The following RB1 variants were observed in gnomAD, a reference collection of about 807,000 sequenced individuals.
RB1 encodes the protein retinoblastoma-associated protein.
A neutral mutation model predicts 135.4 loss-of-function variants in RB1; 18 were observed. The observed-to-expected ratio is 0.13, with a 90% CI of 0.09 to 0.20. The LOEUF is 0.20. Among genes scored for constraint, RB1 ranks in the 10% least tolerant of loss-of-function variants. RB1 has a pLI of 1.00. For missense variants in RB1, 868 were observed against 1,110.0 expected (o/e 0.78, Z 3.10); for synonymous variants, 365 against 373.2 (o/e 0.98, Z 0.25).
intron 23 of RB1, 129 bp from the exon 24 acceptor site, chr13:48,473,231 G>A: frequency 1.4e-6 from 1 of 692,054 alleles, no homozygotes; most frequent in Admixed American, 2.4e-5. Flanking sequence ...TAGTTTGTCA[G>A]TGGTTCTAGG....
chr13:48,437,087 CAG>C (rs1949191850), intron 17 of RB1, among the ~76,000 whole-genome samples: 2 of 152,172 alleles, frequency 1.3e-5, no homozygotes, highest in Admixed American at 1.3e-4. Flanking sequence ...TCATGTAGAA[CAG>C]ACTTATAGCT....
At chr13:48,404,442 GAA>G (rs11307004) in intron 17 of RB1, among the ~76,000 whole-genome samples, 4 of 151,008 alleles carry the variant, frequency 2.6e-5, no homozygotes, top group South Asian at 2.1e-4. Flanking sequence ...AAAAAGAACA[GAA>G]AAAAAAAATT....
At position 48,477,394 on chromosome 13, in the gene RB1, G is replaced by A. The variant is rs2138360963; in HGVS notation, c.2703G>A (p.Leu901=). The A allele has an allele frequency of 6.2e-7, 1 of 1,607,998 alleles. No individual in the cohort carries two copies. The highest frequency in any genetic ancestry group is 1.7e-4 in the Middle Eastern group (1 of 6,030). ...GAGAGTCCAAATTTCAGCAGAAACT[G>A]GCAGAAATGAGTAAGTACTTTTTTC... is the stretch of plus-strand genomic sequence containing the variant. ...LPGESKFQQK[L]AEMTSTRTRM... The change falls in exon 26 of 27, where the codon CTG becomes CTA. Residue 901 remains leucine, a synonymous_variant. Transcript: ENST00000267163.
intron 3 of RB1, 117 bp downstream of exon 3, chr13:48,342,831 G>C: frequency 2.8e-6 from 2 of 714,734 alleles, no homozygotes; most frequent in South Asian, 3.3e-5. Context: ...AAAACAAAAA[G>C]AACTTGGACC....
intron 5 of RB1, 109 bp from the exon 6 acceptor site, chr13:48,348,847 C>A: frequency 8.0e-7 from 1 of 1,244,672 alleles, no homozygotes; most frequent in Non-Finnish European, 1.1e-6. Context: ...TAACTAAGGT[C>A]ATTTTTTTTT....
intron 20 of RB1, among the ~76,000 whole-genome samples, chr13:48,461,861 C>T (rs1053428404): frequency 6.6e-6 from 1 of 152,136 alleles, no homozygotes; most frequent in Non-Finnish European, 1.5e-5. Context: ...GACACGGAGT[C>T]TTGCTCTGTC....
At chr13:48,328,508 C>T (rs1237228102) in intron 2 of RB1, 2 of 786,536 alleles carry the variant, frequency 2.5e-6, no homozygotes, top group Non-Finnish European at 4.7e-6. Context: ...ACTCCAGCAG[C>T]TCCAGCTCAT....
chr13:48,435,325 A>G (rs1478417287), intron 17 of RB1, among the ~76,000 whole-genome samples: 1 of 152,188 alleles, frequency 6.6e-6, no homozygotes, highest in Non-Finnish European at 1.5e-5. Flanking sequence ...AGCTAATGAT[A>G]TTGATTAACC....
intron 17 of RB1, among the ~76,000 whole-genome samples, chr13:48,414,120 G>A (rs749918696): frequency 1.3e-5 from 2 of 152,166 alleles, no homozygotes; most frequent in African/African-American, 2.4e-5. Flanking sequence ...GGCCGAGGCA[G>A]GTGGATCACC....
chr13:48,459,910 T>TTCC (rs1566235683), intron 20 of RB1, 77 bp downstream of exon 20: 169 of 478,102 alleles, frequency 3.5e-4, no homozygotes, highest in East Asian at 3.2e-3. Flanking sequence ...TCTTTCTTTC[T>TTCC]TTCTTTCTTT....
chr13:48,312,249 G>A lies in RB1; in HGVS notation c.264+4843G>A, dbSNP rs533036979. Among the ~76,000 whole-genome samples, 186 of 151,634 alleles carry A rather than the reference G, an allele frequency of 1.2e-3. 1 individual carries two copies. The highest frequency in any genetic ancestry group is 4.3e-3 in the African/African-American group (176 of 41,292). On this transcript the variant is annotated intron_variant, in intron 2 of 26. Transcript: ENST00000267163. Reference sequence around the variant, plus strand: ...TATTTAAATGGATTTTTGTTGTTTTGTAATCAGCATTCATTAAAAATTTTT... The same window carrying A: ...TATTTAAATGGATTTTTGTTGTTTTATAATCAGCATTCATTAAAAATTTTT...
rs146556286 is a variant in RB1 at position 48,342,352 on chromosome 13, CTTATTTAA to C, written c.265-244_265-237del. 0.024 allele frequency among the ~76,000 whole-genome samples: 3,610 copies of C among 151,682 alleles called. 149 individuals are homozygous for C. The highest frequency in any genetic ancestry group is 0.083 in the African/African-American group (3,443 of 41,398). On this transcript the variant is annotated intron_variant, in intron 2 of 26. Transcript: ENST00000267163. The stretch of plus-strand genomic sequence containing the variant: ...CTGACCCCTAAAGTTTCCACAATAA[CTTATTTAA>C]TTTTTTATCTTTCTAATACTTTTTT...
At chr13:48,362,274 G>A (rs921333430) in intron 7 of RB1, among the ~76,000 whole-genome samples, 7 of 150,306 alleles carry the variant, frequency 4.7e-5, no homozygotes, top group African/African-American at 1.7e-4. Context: ...AGCTGAACCT[G>A]TATTTAGTTT....
chr13:48,373,556 T>TA, intron 12 of RB1, 64 bp downstream of exon 12: 1 of 1,045,012 alleles, frequency 9.6e-7, no homozygotes, highest in African/African-American at 1.6e-5. Context: ...AATTAAAAGT[T>TA]AAAGTACTGA....
intron 18 of RB1, 74 bp from the exon 19 acceptor site, chr13:48,456,130 A>T: frequency 6.3e-7 from 1 of 1,595,806 alleles, no homozygotes; most frequent in Admixed American, 1.7e-5. Context: ...CTGGGTGTAC[A>T]ACCTTGAAGT....
rs1400002405 is a variant in RB1 at position 48,376,845 on chromosome 13, AT to A, written c.1216-71del. ...TTATGAACAATTTAAAAAGTCATAT[AT>A]TATGGAGCAGAAAATATTAATTCTG... is the stretch of plus-strand genomic sequence containing the variant. On this transcript the variant is annotated intron_variant, in intron 12 of 26. Coordinates refer to ENST00000267163, the MANE Select transcript of RB1 (RefSeq NM_000321.3). The A allele has an allele frequency of 1.9e-6, 3 of 1,602,724 alleles. No homozygotes were observed. The African/African-American group carries it at 4.0e-5, about 21-fold the overall frequency.
At chr13:48,339,002 G>A (rs1851484060) in intron 2 of RB1, among the ~76,000 whole-genome samples, 3 of 152,186 alleles carry the variant, frequency 2.0e-5, no homozygotes, top group African/African-American at 7.2e-5. Flanking sequence ...TTGCTGAACA[G>A]CAGATGTTGC....
At chr13:48,404,687 C>G (rs375171453) in intron 17 of RB1, among the ~76,000 whole-genome samples, 1 of 151,956 alleles carries the variant, frequency 6.6e-6, no homozygotes, top group South Asian at 2.1e-4. Context: ...ACAACGCGCC[C>G]AGATAATTTT....
At chr13:48,346,479 C>A (rs1228438492) in intron 4 of RB1, among the ~76,000 whole-genome samples, 3 of 145,696 alleles carry the variant, frequency 2.1e-5, no homozygotes, top group African/African-American at 5.0e-5. Flanking sequence ...TTGTTTACAA[C>A]CTTTTTAATT....
Sources: gnomAD v4.1 joint callset for allele counts (sites outside exome capture counted in the v4.1 genomes callset) on GRCh38, gnomAD v4.1.1 for gene constraint, MANE v1.5 for transcripts, NCBI Gene and HGNC (gene_info 2026-07-23, HGNC 2026-07-21) for gene names.